SORCS2: variants seen among roughly 807,000 people sequenced by gnomAD.
SORCS2 encodes sortilin related VPS10 domain containing receptor 2, also known as VPS10 domain-containing receptor SorCS2.
A neutral mutation model predicts 141.6 loss-of-function variants in SORCS2; 100 were observed. That is an observed-to-expected ratio of 0.71 (90% confidence interval 0.60 to 0.83). SORCS2 has a LOEUF of 0.83. SORCS2 is among the 40% of genes least tolerant of loss of function. The probability of loss-of-function intolerance (pLI) is 0.00; values close to 1 mark genes in which losing one functional copy is unlikely to be tolerated. For synonymous variants in SORCS2, 789 were observed against 676.9 expected, an observed-to-expected ratio of 1.17 and a Z score of -2.57; for missense variants, 1,646 against 1,560.2, an observed-to-expected ratio of 1.05 and a Z score of -0.93.
At chr4:7,528,510 C>G (rs1395061377) in intron 2 of SORCS2, among the ~76,000 whole-genome samples, 1 of 152,134 alleles carries the variant, frequency 6.6e-6, no homozygotes, top group Non-Finnish European at 1.5e-5. Flanking sequence ...ACTGCAACCT[C>G]CACCTCCTGG....
chr4:7,204,928 A>G (rs1244140270), intron 1 of SORCS2, among the ~76,000 whole-genome samples: 1 of 152,232 alleles, frequency 6.6e-6, no homozygotes, highest in Admixed American at 6.5e-5. Flanking sequence ...TTTGCCTTCC[A>G]AGTTCAAGCC....
intron 1 of SORCS2, among the ~76,000 whole-genome samples, chr4:7,251,426 C>T (rs2108805640): frequency 6.6e-6 from 1 of 152,274 alleles, no homozygotes; most frequent in South Asian, 2.1e-4. Flanking sequence ...TTCACCTTGT[C>T]CAGTTGTTAG....
chr4:7,311,670 C>T (rs1279555636), intron 1 of SORCS2, among the ~76,000 whole-genome samples: 1 of 152,130 alleles, frequency 6.6e-6, no homozygotes, highest in East Asian at 1.9e-4. Context: ...TTTATGGGGG[C>T]TTATTTCCCA....
intron 2 of SORCS2, among the ~76,000 whole-genome samples, chr4:7,500,939 C>T (rs947841056): frequency 2.0e-4 from 30 of 152,198 alleles, no homozygotes; most frequent in Non-Finnish European, 8.8e-5. Context: ...GTGATTCTGC[C>T]GGGAGGTTTG....
intron 1 of SORCS2, among the ~76,000 whole-genome samples, chr4:7,322,701 C>T (rs896922700): frequency 6.6e-6 from 1 of 152,154 alleles, no homozygotes; most frequent in African/African-American, 2.4e-5. Flanking sequence ...GCACACACTC[C>T]GTGGACTACA....
chr4:7,549,626 A>G (rs1430145149), intron 3 of SORCS2, among the ~76,000 whole-genome samples: 1 of 152,196 alleles, frequency 6.6e-6, no homozygotes, highest in Non-Finnish European at 1.5e-5. Flanking sequence ...AGAAAGGGAG[A>G]AATTCAGTAA....
intron 1 of SORCS2, among the ~76,000 whole-genome samples, chr4:7,354,345 C>T (rs183541463): frequency 6.6e-6 from 1 of 152,230 alleles, no homozygotes; most frequent in East Asian, 1.9e-4. Context: ...CTCCCAGGTC[C>T]AGAGCCTGCC....
rs1317316046 is a variant in SORCS2 at position 7,391,102 on chromosome 4, G to A, written c.481-5186G>A. ...CCATTTCTCAGATCAGGAAACCGAG[G>A]CTCAGTGAGCCTGGCCACCCTGCAT... On this transcript the variant is annotated intron_variant, in intron 1 of 26. Coordinates refer to ENST00000507866, the MANE Select transcript of SORCS2 (RefSeq NM_020777.3). 6.6e-5 allele frequency among the ~76,000 whole-genome samples: 10 copies of A among 152,286 alleles called. No homozygotes were observed. In the South Asian group the frequency reaches 2.1e-3, roughly 32 times the overall value.
intron 14 of SORCS2, among the ~76,000 whole-genome samples, chr4:7,712,244 G>A (rs1360973635): frequency 6.6e-6 from 1 of 152,218 alleles, no homozygotes; most frequent in Non-Finnish European, 1.5e-5. Context: ...ATGCCCTGTG[G>A]CCCAGCGATA....
intron 2 of SORCS2, among the ~76,000 whole-genome samples, chr4:7,509,028 C>T (rs1220441973): frequency 2.6e-5 from 4 of 152,136 alleles, no homozygotes; most frequent in Admixed American, 6.5e-5. Flanking sequence ...CTCGGCACGG[C>T]GACCTTTCGT....
chr4:7,303,126 G>T (rs145566524), intron 1 of SORCS2, among the ~76,000 whole-genome samples: 1 of 152,178 alleles, frequency 6.6e-6, no homozygotes, highest in Non-Finnish European at 1.5e-5. Context: ...AACCTAATTT[G>T]ATTTTTCAAA....
chr4:7,311,716 TCCTTTGTCATTTTAAAAGAGTTTG>T (rs1718195462), intron 1 of SORCS2, among the ~76,000 whole-genome samples: 1 of 152,184 alleles, frequency 6.6e-6, no homozygotes, highest in Admixed American at 6.5e-5. Flanking sequence ...TCTATTAGAA[TCCTTTGTCATTTTAAAAGAGTTTG>T]CTTTTGTCAT....
intron 1 of SORCS2, among the ~76,000 whole-genome samples, chr4:7,351,683 GTCCATCCATCCA>G (rs532161913): frequency 7.2e-6 from 1 of 139,690 alleles, no homozygotes; most frequent in African/African-American, 2.7e-5. Flanking sequence ...TCTTCCATCC[GTCCATCCATCCA>G]TCCATCCATC....
intron 1 of SORCS2, among the ~76,000 whole-genome samples, chr4:7,251,532 A>G (rs1713508985): frequency 6.6e-6 from 1 of 152,192 alleles, no homozygotes; most frequent in Non-Finnish European, 1.5e-5. Context: ...GCAAGCAAGT[A>G]CTGGATCAAG....
intron 1 of SORCS2, among the ~76,000 whole-genome samples, chr4:7,247,470 A>G (rs778151026): frequency 5.1e-4 from 78 of 152,328 alleles, no homozygotes; most frequent in Admixed American, 1.4e-3. Context: ...CATTTTGTCA[A>G]CACTTGCAGG....
intron 1 of SORCS2, among the ~76,000 whole-genome samples, chr4:7,371,222 C>T (rs914101989): frequency 1.3e-5 from 2 of 152,168 alleles, no homozygotes; most frequent in East Asian, 3.9e-4. Context: ...ATCGTGCCCA[C>T]GTGTGTACCC....
rs1474144197 is a variant in SORCS2, at chr4:7,647,382, G to C, written c.814-6752G>C. 2.0e-5 allele frequency among the ~76,000 whole-genome samples: 3 copies of C among 152,258 alleles called. No homozygotes were observed. The East Asian group carries it at 5.8e-4, about 29-fold the overall frequency. ...GAGATGATTTCACTCATGGTACCAG[G>C]AGCGCAAAGTATTACCAGACAGCCA... On this transcript the variant is annotated intron_variant, in intron 4 of 26. Coordinates refer to ENST00000507866, the MANE Select transcript of SORCS2 (RefSeq NM_020777.3).
intron 2 of SORCS2, among the ~76,000 whole-genome samples, chr4:7,461,531 T>C (rs1170148908): frequency 6.6e-6 from 1 of 152,246 alleles, no homozygotes; most frequent in Non-Finnish European, 1.5e-5. Flanking sequence ...GGGATTTTCA[T>C]GCACGTGACA....
chr4:7,738,376 A>G lies in SORCS2; in HGVS notation c.3415+1204A>G, dbSNP rs547845030. 1.2e-4 allele frequency among the ~76,000 whole-genome samples: 18 copies of G among 152,318 alleles called. No homozygotes were observed. In the South Asian group the frequency reaches 3.3e-3, roughly 28 times the overall value. ...CAGGCTCTTCCCTAGAGCTGAGGAC[A>G]TGGAAGTGCAAAGACATGGACTGTC... On this transcript the variant is annotated intron_variant, in intron 26 of 26. Coordinates refer to ENST00000507866, the MANE Select transcript of SORCS2 (RefSeq NM_020777.3).
Sources: gnomAD v4.1 joint callset for allele counts (sites outside exome capture counted in the v4.1 genomes callset) on GRCh38, gnomAD v4.1.1 for gene constraint, MANE v1.5 for transcripts, NCBI Gene and HGNC (gene_info 2026-07-23, HGNC 2026-07-21) for gene names.